Variants in CNTNAP2 observed in about 807,000 individuals in gnomAD.
CNTNAP2 encodes contactin associated protein 2.
Under a neutral mutation model 155.2 loss-of-function variants are expected in CNTNAP2, and 98 were observed. That is an observed-to-expected ratio of 0.63 (90% CI 0.54 to 0.75). The LOEUF is 0.75. Among genes scored for constraint, CNTNAP2 ranks in the 30% least tolerant of loss-of-function variants. The pLI, the probability that CNTNAP2 is intolerant of heterozygous loss-of-function variation, is 0.00. For missense variants in CNTNAP2, 1,727 were observed against 1,688.1 expected (o/e 1.02, Z -0.40); for synonymous variants, 651 against 631.2 (o/e 1.03, Z -0.47).
At chr7:146,970,292 A>T (rs185137927) in intron 3 of CNTNAP2, among the ~76,000 whole-genome samples, 1 of 152,228 alleles carries the variant, frequency 6.6e-6, no homozygotes, top group East Asian at 1.9e-4. Flanking sequence ...AATCGGAGAA[A>T]ATTTTCACAA....
At chr7:146,779,778 A>T (rs780839788) in intron 2 of CNTNAP2, among the ~76,000 whole-genome samples, 1 of 152,160 alleles carries the variant, frequency 6.6e-6, no homozygotes, top group African/African-American at 2.4e-5. Flanking sequence ...AGAGGGCAGA[A>T]GGTTGTGGTG....
chr7:146,714,153 A>G (rs760438966), intron 1 of CNTNAP2, among the ~76,000 whole-genome samples: 2 of 152,158 alleles, frequency 1.3e-5, no homozygotes, highest in Non-Finnish European at 2.9e-5. Flanking sequence ...GTGACGCATG[A>G]TCATGGCTAT....
intron 1 of CNTNAP2, among the ~76,000 whole-genome samples, chr7:146,217,226 C>T (rs974884775): frequency 2.6e-4 from 39 of 152,118 alleles, no homozygotes; most frequent in African/African-American, 6.8e-4. Context: ...AGAACCTTAA[C>T]GCTTTTGTGA....
intron 15 of CNTNAP2, among the ~76,000 whole-genome samples, chr7:148,024,121 C>A (rs1802332945): frequency 7.6e-6 from 1 of 131,274 alleles, no homozygotes; most frequent in African/African-American, 2.9e-5. Context: ...ACTTCTTGCA[C>A]TTGTGAATCA....
At chr7:146,958,758 C>A (rs1440589085) in intron 3 of CNTNAP2, among the ~76,000 whole-genome samples, 1 of 152,040 alleles carries the variant, frequency 6.6e-6, no homozygotes, top group Non-Finnish European at 1.5e-5. Context: ...CTATTTTCAT[C>A]TGTCATATAT....
chr7:146,593,649 G>C (rs1045377541), intron 1 of CNTNAP2, among the ~76,000 whole-genome samples: 17 of 151,912 alleles, frequency 1.1e-4, no homozygotes, highest in African/African-American at 3.9e-4. Context: ...CAATCAATTG[G>C]TACCTCTCTA....
At chr7:147,317,854 T>C (rs954542712) in intron 9 of CNTNAP2, among the ~76,000 whole-genome samples, 4 of 151,242 alleles carry the variant, frequency 2.6e-5, no homozygotes, top group African/African-American at 4.9e-5. Context: ...CTCTTTTTTT[T>C]CCTTGGCTTC....
intron 21 of CNTNAP2, among the ~76,000 whole-genome samples, chr7:148,294,483 A>G (rs10155815): frequency 0.63 from 96,390 of 152,006 alleles, 31,401 homozygotes; most frequent in South Asian, 0.83. Context: ...AAATTGGAGA[A>G]TTCTGTGCAA....
At chr7:147,098,534 A>C (rs1395740370) in intron 4 of CNTNAP2, among the ~76,000 whole-genome samples, 1 of 152,226 alleles carries the variant, frequency 6.6e-6, no homozygotes, top group Non-Finnish European at 1.5e-5. Flanking sequence ...AGAGTCCAGA[A>C]GTTGATCTTA....
intron 3 of CNTNAP2, among the ~76,000 whole-genome samples, chr7:147,025,371 TAGGAG>T (rs1448729874): frequency 2.4e-4 from 1 of 4,130 alleles, no homozygotes; most frequent in Non-Finnish European, 4.3e-4. Context: ...GGGAGGGGGA[TAGGAG>T]AGGGGAGGGG....
At chr7:147,814,164 C>A (rs1798229793) in intron 13 of CNTNAP2, among the ~76,000 whole-genome samples, 2 of 152,092 alleles carry the variant, frequency 1.3e-5, no homozygotes, top group African/African-American at 4.8e-5. Context: ...AGGTGAAATA[C>A]CATTCTAGTT....
chr7:147,191,333 C>T (rs942122369), intron 8 of CNTNAP2, among the ~76,000 whole-genome samples: 3 of 152,088 alleles, frequency 2.0e-5, no homozygotes, highest in Admixed American at 6.6e-5. Context: ...TTAACATTTG[C>T]GTTAAAGTTA....
intron 15 of CNTNAP2, among the ~76,000 whole-genome samples, chr7:148,110,071 T>C (rs543645658): frequency 1.6e-4 from 25 of 151,812 alleles, no homozygotes; most frequent in African/African-American, 6.0e-4. Flanking sequence ...TATCTTGCCA[T>C]GTTTCAAGGT....
intron 21 of CNTNAP2, among the ~76,000 whole-genome samples, chr7:148,301,669 T>C (rs1441667775): frequency 1.3e-5 from 2 of 152,194 alleles, no homozygotes; most frequent in South Asian, 2.1e-4. Context: ...TTTGTGGAGA[T>C]AGAACTGGAC....
intron 1 of CNTNAP2, among the ~76,000 whole-genome samples, chr7:146,687,670 A>G (rs929875079): frequency 6.6e-6 from 1 of 152,158 alleles, no homozygotes; most frequent in Non-Finnish European, 1.5e-5. Flanking sequence ...TCATTTTCAG[A>G]TATTAAAAAA....
At chr7:147,584,417 G>A (rs144047550) in intron 12 of CNTNAP2, among the ~76,000 whole-genome samples, 4 of 152,240 alleles carry the variant, frequency 2.6e-5, no homozygotes, top group Middle Eastern at 3.4e-3. Flanking sequence ...TTACTCCTTT[G>A]TAAAGGATCA....
chr7:147,619,083 A>G (rs1183729582), intron 12 of CNTNAP2, among the ~76,000 whole-genome samples: 1 of 152,218 alleles, frequency 6.6e-6, no homozygotes, highest in Non-Finnish European at 1.5e-5. Flanking sequence ...ATAAATTGTG[A>G]CAATTTAAAA....
chr7:148,164,021 G>A (rs1805601995), intron 17 of CNTNAP2, among the ~76,000 whole-genome samples: 1 of 152,056 alleles, frequency 6.6e-6, no homozygotes, highest in South Asian at 2.1e-4. Context: ...TGTAGCCTCT[G>A]CCTCCCAGGT....
At chr7:147,201,084 A>T (rs921305435) in intron 8 of CNTNAP2, among the ~76,000 whole-genome samples, 4 of 152,226 alleles carry the variant, frequency 2.6e-5, no homozygotes, top group Non-Finnish European at 5.9e-5. Context: ...CTAAAGCCTA[A>T]TTCTAACATG....
Sources: allele counts gnomAD v4.1 joint callset (sites outside exome capture counted in the v4.1 genomes callset), GRCh38; gene constraint gnomAD v4.1.1; transcripts MANE v1.5; gene names NCBI Gene and HGNC (gene_info 2026-07-23, HGNC 2026-07-21).